MINAR1: variants seen among roughly 807,000 people sequenced by gnomAD.
MINAR1 encodes major intrinsically disordered Notch2-binding receptor 1.
A neutral mutation model predicts 65.1 loss-of-function variants in MINAR1; 40 were observed. The ratio of observed to expected loss-of-function variants is 0.61; its 90% confidence interval spans 0.48 to 0.80. The LOEUF (loss-of-function observed/expected upper bound fraction) is 0.80. MINAR1 is among the 30% of genes least tolerant of loss of function. MINAR1 has a pLI of 0.00. For missense variants in MINAR1, 1,128 were observed against 1,148.0 expected (o/e 0.98, Z 0.25); for synonymous variants, 482 against 449.1 (o/e 1.07, Z -0.93).
At chr15:79,461,033 T>G (rs1895625123) in intron 2 of MINAR1, among the ~76,000 whole-genome samples, 1 of 152,370 alleles carries the variant, frequency 6.6e-6, no homozygotes, top group East Asian at 1.9e-4. Context: ...CCTTACTTCA[T>G]AAGTCTCTGT....
At chr15:79,461,221 G>A (rs963687639) in intron 2 of MINAR1, among the ~76,000 whole-genome samples, 4 of 152,242 alleles carry the variant, frequency 2.6e-5, no homozygotes, top group African/African-American at 9.6e-5. Flanking sequence ...TCTTAGAAGT[G>A]AAAACAGTTT....
intron 1 of MINAR1, among the ~76,000 whole-genome samples, chr15:79,437,803 C>T (rs115120609): frequency 0.018 from 77 of 4,240 alleles, 23 homozygotes; most frequent in Admixed American, 0.039. Flanking sequence ...GTGGGGTTGG[C>T]AGTGAGTGTG....
chr15:79,423,008 AAAT>A, the MINAR1 span: 3 of 152,244 alleles, frequency 2.0e-5, no homozygotes, highest in Non-Finnish European at 4.4e-5. Flanking sequence ...CAAATGTGTG[AAAT>A]AATATGTTCA....
In MINAR1 at chr15:79,468,339, C is replaced by T. The variant is rs767051433; in HGVS notation, c.2706C>T (p.Thr902=). The T allele has an allele frequency of 2.9e-5, 46 of 1,613,988 alleles. No homozygotes were observed. Among genetic ancestry groups the T allele is most frequent in the East Asian group, 6.7e-5 (3 of 44,896 alleles). ...CTCTGATCGCTGCTGCGGCATGCACCGTCATCCTCGTTATTGTCGTGCCCA... is the reference window on the plus strand; with the variant it reads ...CTCTGATCGCTGCTGCGGCATGCACTGTCATCCTCGTTATTGTCGTGCCCA... The part of the protein sequence containing the change: ...IAALIAAAAC[T]VILVIVVPIC... Residue 902 remains threonine, a synonymous_variant, in exon 4 of 4, where the codon ACC becomes ACT. Transcript: ENST00000305428.
Position 79,458,257 on chromosome 15 carries a change from T to C in MINAR1, c.2110T>C (p.Phe704Leu). The change falls in exon 2 of 4, where the codon TTC (phenylalanine) becomes CTC (leucine). Residue 704 changes from phenylalanine to leucine, a missense_variant. Physicochemically the swap from Phe to Leu is conservative, Grantham distance 22. Transcript: ENST00000305428. ...LRVKALKKSLFTRPSSRSLTE... is the reference protein window; with the variant it reads ...LRVKALKKSLLTRPSSRSLTE... ...GGTCAAGGCCTTAAAAAAAAGCCTC[T>C]TCACCAGGCCATCCTCTAGGTCCCT... The C allele has an allele frequency of 1.9e-6, 3 of 1,614,054 alleles. No individual in the cohort carries two copies. The highest frequency in any genetic ancestry group is 2.5e-6 in the Non-Finnish European group (3 of 1,180,004).
chr15:79,413,739 T>A, the MINAR1 span: 1 of 152,368 alleles, frequency 6.6e-6, no homozygotes, highest in Admixed American at 6.5e-5. Flanking sequence ...GAGTCCTGGT[T>A]GGACAGTGTG....
the MINAR1 span, chr15:79,423,032 T>C: frequency 6.6e-6 from 1 of 152,370 alleles, no homozygotes; most frequent in East Asian, 1.9e-4. Flanking sequence ...AGTCTGTTAA[T>C]TGTATTGACA....
Position 79,457,723 on chromosome 15 carries a change from G to A in MINAR1, c.1576G>A (p.Asp526Asn). The change falls in exon 2 of 4, where the codon GAT (aspartate) becomes AAT (asparagine). Residue 526 changes from aspartate to asparagine, a missense_variant. Physicochemically the swap from Asp to Asn is conservative, Grantham distance 23. Coordinates refer to ENST00000305428, the MANE Select transcript of MINAR1 (RefSeq NM_015206.3). ...CATCAGTGACATTTTCCGATTTCTT[G>A]ATGACATGAGCATCAGTGGCTCCAC... is the stretch of plus-strand genomic sequence containing the variant. The part of the protein sequence containing the change: ...DDISDIFRFL[D>N]DMSISGSTGV... The A allele has an allele frequency of 6.2e-7, 1 of 1,614,218 alleles. No homozygotes were observed. The highest frequency in any genetic ancestry group is 8.5e-7 in the Non-Finnish European group (1 of 1,180,036).
At chr15:79,427,799 A>G (rs1214315996), upstream of MINAR1, among the ~76,000 whole-genome samples, 2 of 152,186 alleles carry the variant, frequency 1.3e-5, no homozygotes, top group Non-Finnish European at 2.9e-5. Context: ...AATGAGATCT[A>G]AAAAACTCTG....
intron 2 of MINAR1, among the ~76,000 whole-genome samples, chr15:79,458,746 G>A (rs548949734): frequency 1.2e-4 from 18 of 152,326 alleles, no homozygotes; most frequent in East Asian, 9.6e-4. Flanking sequence ...AATGGGGAAC[G>A]TATCAGAGCA....
upstream of MINAR1, among the ~76,000 whole-genome samples, chr15:79,432,004 G>A (rs558710900): frequency 6.6e-6 from 1 of 152,240 alleles, no homozygotes; most frequent in South Asian, 2.1e-4. Flanking sequence ...TGCTGCCCGT[G>A]CGCCCCGCCA....
At chr15:79,447,285 C>T (rs529864424) in intron 1 of MINAR1, among the ~76,000 whole-genome samples, 57 of 152,262 alleles carry the variant, frequency 3.7e-4, no homozygotes, top group African/African-American at 1.4e-3. Flanking sequence ...TTATTTAGAT[C>T]TAATATGCTA....
At chr15:79,465,373 T>G (rs1433331238) in intron 3 of MINAR1, among the ~76,000 whole-genome samples, 5 of 152,168 alleles carry the variant, frequency 3.3e-5, no homozygotes, top group Admixed American at 3.3e-4. Flanking sequence ...CCATCAGTGG[T>G]GCCCACTTGA....
chr15:79,436,885 C>A (rs527483227), intron 1 of MINAR1, among the ~76,000 whole-genome samples: 2 of 152,328 alleles, frequency 1.3e-5, no homozygotes, highest in South Asian at 4.1e-4. Flanking sequence ...CCTCCACTGT[C>A]CCCAACTTCA....
intron 3 of MINAR1, 63 bp from the exon 4 acceptor site, chr15:79,468,124 G>C (rs889456868): frequency 5.9e-6 from 8 of 1,358,038 alleles, no homozygotes; most frequent in Non-Finnish European, 8.3e-6. Context: ...GATGACTGTC[G>C]GGACGTCTTT....
rs764131947 is a variant in MINAR1, at chr15:79,457,332, T to C, written c.1185T>C (p.Tyr395=). 6.2e-6 allele frequency: 10 copies of C among 1,614,086 alleles called. No individual in the cohort carries two copies. The highest frequency in any genetic ancestry group is 2.2e-5 in the East Asian group (1 of 44,874). ...NRNPSEEKLH[Y]PNASSQTPNF... The stretch of plus-strand genomic sequence containing the variant: ...ATCCCTCCGAGGAGAAGCTACACTA[T>C]CCAAATGCCAGTAGCCAGACCCCCA... The change falls in exon 2 of 4, where the codon TAT becomes TAC. Residue 395 remains tyrosine, a synonymous_variant. Transcript: ENST00000305428.
upstream of MINAR1, among the ~76,000 whole-genome samples, chr15:79,429,328 T>A (rs1894387559): frequency 6.6e-6 from 1 of 152,244 alleles, no homozygotes; most frequent in African/African-American, 2.4e-5. Context: ...TCCATTTAAA[T>A]GCTAGAGGAC....
chr15:79,458,463 T>A lies in MINAR1; in HGVS notation c.2298+18T>A. ...CTAAAGAGGTAATTTAAATTTAAGT[T>A]CACATAATCGGGCACCAGCTTCATC... On this transcript the variant is annotated intron_variant, in intron 2 of 3. Coordinates refer to ENST00000305428, the MANE Select transcript of MINAR1 (RefSeq NM_015206.3). 1 of 1,602,924 alleles carries A rather than the reference T, an allele frequency of 6.2e-7. No individual in the cohort carries two copies. Among genetic ancestry groups the A allele is most frequent in the South Asian group, 1.1e-5 (1 of 89,528 alleles).
intron 3 of MINAR1, among the ~76,000 whole-genome samples, chr15:79,464,668 G>A (rs1457704956): frequency 2.6e-5 from 4 of 152,162 alleles, no homozygotes; most frequent in African/African-American, 9.7e-5. Flanking sequence ...GGCCTTAAAT[G>A]ACAGCAATTA....
Sources: allele counts gnomAD v4.1 joint callset (sites outside exome capture counted in the v4.1 genomes callset), GRCh38; gene constraint gnomAD v4.1.1; transcripts MANE v1.5; gene names NCBI Gene and HGNC (gene_info 2026-07-23, HGNC 2026-07-21).